CALCRL: variants seen among roughly 807,000 people sequenced by gnomAD.
CALCRL encodes the protein calcitonin receptor like receptor, also known as calcitonin gene-related peptide type 1 receptor.
A neutral mutation model predicts 60.4 loss-of-function variants in CALCRL; 27 were observed. The ratio of observed to expected loss-of-function variants is 0.45; its 90% CI spans 0.33 to 0.62. CALCRL has a LOEUF of 0.62. Ranked by LOEUF, CALCRL falls within the 20% of genes least tolerant of loss-of-function variation. CALCRL has a pLI of 0.03. For synonymous variants in CALCRL, 190 were observed against 182.6 expected (o/e 1.04, Z -0.33); for missense variants, 424 against 540.7 (o/e 0.78, Z 2.14).
intron 5 of CALCRL, 58 bp downstream of exon 5, chr2:187,383,115 G>A: frequency 6.5e-7 from 1 of 1,532,874 alleles, no homozygotes. Context: ...GATATAATGG[G>A]AGTAGTTTTC....
intron 1 of CALCRL, among the ~76,000 whole-genome samples, chr2:187,439,698 G>T (rs911202292): frequency 1.4e-4 from 21 of 152,128 alleles, no homozygotes; most frequent in Admixed American, 1.4e-3. Context: ...AGATGGCAGG[G>T]TGGTGAGGGA....
chr2:187,374,478 C>T (rs1687660306), intron 8 of CALCRL, among the ~76,000 whole-genome samples: 1 of 152,070 alleles, frequency 6.6e-6, no homozygotes, highest in Non-Finnish European at 1.5e-5. Flanking sequence ...ATGATCTCTT[C>T]ACTGCTTATG....
At chr2:187,347,640 C>T (rs2105683362) in intron 14 of CALCRL, among the ~76,000 whole-genome samples, 1 of 151,862 alleles carries the variant, frequency 6.6e-6, no homozygotes, top group Middle Eastern at 3.4e-3. Flanking sequence ...CACACACACA[C>T]ACATACACAC....
rs553806808 is a variant in CALCRL, at chr2:187,368,690, A to T, written c.501-5188T>A. On this transcript the variant is annotated intron_variant, in intron 8 of 14. Coordinates refer to ENST00000392370, the MANE Select transcript of CALCRL (RefSeq NM_005795.6). ...ATACTAATTATGAGCAAAATGAATC[A>T]TGAAAGGAGAAAGTACAAGCAATAT... 2.6e-5 allele frequency among the ~76,000 whole-genome samples: 4 copies of T among 152,298 alleles called. No individual in the cohort carries two copies. In the South Asian group the frequency reaches 8.3e-4, roughly 32 times the overall value.
chr2:187,394,022 A>T (rs1688561353), intron 1 of CALCRL, among the ~76,000 whole-genome samples: 1 of 152,128 alleles, frequency 6.6e-6, no homozygotes, highest in Non-Finnish European at 1.5e-5. Context: ...GACCTAGGTT[A>T]TCTTGAGTTA....
intron 8 of CALCRL, among the ~76,000 whole-genome samples, chr2:187,366,947 C>CACACACACACAA: frequency 6.6e-6 from 1 of 151,552 alleles, no homozygotes; most frequent in Non-Finnish European, 1.5e-5. Flanking sequence ...CACACACACA[C>CACACACACACAA]ACACACACAC....
intron 8 of CALCRL, among the ~76,000 whole-genome samples, chr2:187,364,684 T>G (rs1256958142): frequency 6.6e-6 from 1 of 152,174 alleles, no homozygotes; most frequent in Non-Finnish European, 1.5e-5. Context: ...TAGAGTATAT[T>G]GCCTCTGAAA....
intron 10 of CALCRL, among the ~76,000 whole-genome samples, chr2:187,360,289 A>T (rs1686993672): frequency 6.6e-6 from 1 of 152,014 alleles, no homozygotes; most frequent in Non-Finnish European, 1.5e-5. Context: ...ACAAAGACTA[A>T]ATCTTTAATT....
Position 187,346,310 on chromosome 2 carries a change from A to G in CALCRL, c.1260T>C (p.Ser420=). The G allele has an allele frequency of 6.2e-7, 1 of 1,612,596 alleles. No individual in the cohort carries two copies. The highest frequency in any genetic ancestry group is 1.1e-5 in the South Asian group (1 of 91,030). The part of the protein sequence containing the change: ...FSNSEALRSA[S]YTVSTISDGP... Reference sequence around the variant, plus strand: ...CATCACTGATTGTTGACACTGTGTAAGACGCACTACGAAGAGCTTCTGAGT... The same window carrying G: ...CATCACTGATTGTTGACACTGTGTAGGACGCACTACGAAGAGCTTCTGAGT... The change falls in exon 15 of 15, where the codon TCT becomes TCC. Residue 420 remains serine (S), a synonymous_variant. Coordinates refer to ENST00000392370, the MANE Select transcript of CALCRL (RefSeq NM_005795.6).
At chr2:187,421,419 TA>T (rs1050913197) in intron 1 of CALCRL, among the ~76,000 whole-genome samples, 20 of 152,206 alleles carry the variant, frequency 1.3e-4, no homozygotes, top group African/African-American at 4.8e-4. Context: ...AGGTGTTTCT[TA>T]AACTCTCTAA....
At chr2:187,395,732 T>C (rs973455487) in intron 1 of CALCRL, among the ~76,000 whole-genome samples, 1 of 151,950 alleles carries the variant, frequency 6.6e-6, no homozygotes, top group Non-Finnish European at 1.5e-5. Context: ...ACACTCTCCA[T>C]GGAACTCATT....
chr2:187,371,472 A>C (rs1687516070), intron 8 of CALCRL, among the ~76,000 whole-genome samples: 1 of 152,130 alleles, frequency 6.6e-6, no homozygotes, highest in African/African-American at 2.4e-5. Context: ...CTGACAGTGC[A>C]GTATTGCCAG....
At chr2:187,380,433 G>C (rs756885280) in intron 7 of CALCRL, 34 bp downstream of exon 7, 1 of 1,249,672 alleles carries the variant, frequency 8.0e-7, no homozygotes, top group South Asian at 1.2e-5. Flanking sequence ...AACAGATACT[G>C]TAAGTTAAAT....
At chr2:187,416,493 A>G (rs1042436823) in intron 1 of CALCRL, among the ~76,000 whole-genome samples, 2 of 152,154 alleles carry the variant, frequency 1.3e-5, no homozygotes. Context: ...ATAATATTAC[A>G]TACATGAAAA....
chr2:187,352,471 G>A (rs889010287), intron 12 of CALCRL, 139 bp from the exon 13 acceptor site: 1 of 546,934 alleles, frequency 1.8e-6, no homozygotes, highest in South Asian at 2.8e-5. Context: ...ATTGCCTAAG[G>A]CATTAATTTA....
At chr2:187,396,032 TG>T (rs1205853391) in intron 1 of CALCRL, among the ~76,000 whole-genome samples, 1 of 151,700 alleles carries the variant, frequency 6.6e-6, no homozygotes, top group African/African-American at 2.4e-5. Flanking sequence ...TTGTTGTTGT[TG>T]TTGTTGTTGT....
chr2:187,415,126 A>G (rs1166126760), intron 1 of CALCRL, among the ~76,000 whole-genome samples: 1 of 152,164 alleles, frequency 6.6e-6, no homozygotes, highest in Non-Finnish European at 1.5e-5. Context: ...AGAGTTTTCT[A>G]TGCATCCTAC....
chr2:187,440,268 A>C (rs1443508726), intron 1 of CALCRL, among the ~76,000 whole-genome samples: 2 of 152,178 alleles, frequency 1.3e-5, no homozygotes. Flanking sequence ...TGTTGATAAC[A>C]TCACGCAACT....
chr2:187,418,560 A>G (rs1689718678), intron 1 of CALCRL, among the ~76,000 whole-genome samples: 1 of 152,134 alleles, frequency 6.6e-6, no homozygotes, highest in African/African-American at 2.4e-5. Context: ...GAATCTTCCT[A>G]AGGGTATAGG....
Sources: gnomAD v4.1 joint callset for allele counts (sites outside exome capture counted in the v4.1 genomes callset) on GRCh38, gnomAD v4.1.1 for gene constraint, MANE v1.5 for transcripts, NCBI Gene and HGNC (gene_info 2026-07-23, HGNC 2026-07-21) for gene names.